Variants in DLG2 observed in about 807,000 individuals in gnomAD.
DLG2 encodes discs large MAGUK scaffold protein 2.
A neutral mutation model predicts 132.5 loss-of-function variants in DLG2; 45 were observed. That is an observed-to-expected ratio of 0.34 (90% confidence interval 0.27 to 0.44). The LOEUF (loss-of-function observed/expected upper bound fraction) is 0.44, where lower values mean the gene tolerates loss of function less well. Ranked by LOEUF, DLG2 falls within the 20% of genes least tolerant of loss-of-function variation. DLG2 has a pLI of 1.00. For missense variants in DLG2, 1,045 were observed against 1,196.9 expected (o/e 0.87, Z 1.87); for synonymous variants, 424 against 419.6 (o/e 1.01, Z -0.13).
intron 21 of DLG2, among the ~76,000 whole-genome samples, chr11:83,511,073 A>AACACACACAC (rs142149345): frequency 5.7e-5 from 5 of 88,410 alleles, no homozygotes; most frequent in African/African-American, 2.0e-4. Context: ...CACTTGCTCA[A>AACACACACAC]ACACACACAC....
rs556199887 is a variant in DLG2, at chr11:85,353,141, G to T, written c.41-67776C>A. ...ACAAGGAACTTAAACAAATTTACAA[G>T]AAAAAAACAAACAACCCCATCAAAA... On this transcript the variant is annotated intron_variant, in intron 3 of 27. Coordinates refer to ENST00000376104, the MANE Select transcript of DLG2 (RefSeq NM_001142699.3). Among the ~76,000 whole-genome samples, 6 of 152,018 alleles carry T rather than the reference G, an allele frequency of 3.9e-5. No homozygotes were observed. The South Asian group carries it at 1.2e-3, about 32-fold the overall frequency.
At chr11:85,415,036 G>A (rs990020962) in intron 3 of DLG2, among the ~76,000 whole-genome samples, 3 of 152,002 alleles carry the variant, frequency 2.0e-5, no homozygotes, top group African/African-American at 7.3e-5. Flanking sequence ...ACAGGCCCCA[G>A]TGTATGATGT....
At chr11:85,210,073 T>C (rs2082160989) in intron 4 of DLG2, among the ~76,000 whole-genome samples, 1 of 152,186 alleles carries the variant, frequency 6.6e-6, no homozygotes. Flanking sequence ...CCATCCCTAC[T>C]TTATTCTGTC....
intron 4 of DLG2, among the ~76,000 whole-genome samples, chr11:85,272,416 T>G (rs984675494): frequency 6.6e-6 from 1 of 152,178 alleles, no homozygotes; most frequent in Non-Finnish European, 1.5e-5. Context: ...GAGACTGATA[T>G]GTCTTAAATC....
intron 7 of DLG2, among the ~76,000 whole-genome samples, chr11:84,375,569 CT>C (rs1567456993): frequency 6.6e-6 from 1 of 151,864 alleles, no homozygotes; most frequent in Non-Finnish European, 1.5e-5. Context: ...GGATATCTAT[CT>C]TTTTGTCTAC....
chr11:84,239,760 T>G (rs2097203114), intron 8 of DLG2, among the ~76,000 whole-genome samples: 1 of 152,226 alleles, frequency 6.6e-6, no homozygotes, highest in Non-Finnish European at 1.5e-5. Context: ...TATAGTATAC[T>G]GATACAATTG....
At chr11:84,745,845 G>T (rs1023386822) in intron 6 of DLG2, among the ~76,000 whole-genome samples, 3 of 152,164 alleles carry the variant, frequency 2.0e-5, no homozygotes, top group Non-Finnish European at 4.4e-5. Context: ...AGAACATGAT[G>T]AACTGCATTT....
At chr11:85,282,156 T>A (rs2078271805) in intron 4 of DLG2, among the ~76,000 whole-genome samples, 1 of 151,362 alleles carries the variant, frequency 6.6e-6, no homozygotes, top group Non-Finnish European at 1.5e-5. Flanking sequence ...CTAAAAAAAA[T>A]AAAATGTACA....
intron 18 of DLG2, among the ~76,000 whole-genome samples, chr11:83,727,448 T>C (rs2090216152): frequency 6.6e-6 from 1 of 152,140 alleles, no homozygotes. Context: ...GAAAACTCAG[T>C]GGATTCAGGT....
chr11:83,694,345 A>T (rs995586661), intron 18 of DLG2, among the ~76,000 whole-genome samples: 3 of 152,216 alleles, frequency 2.0e-5, no homozygotes, highest in African/African-American at 7.2e-5. Flanking sequence ...GCCTAAGAGA[A>T]TAATGAAACA....
At chr11:85,018,543 A>G (rs1196704989) in intron 6 of DLG2, among the ~76,000 whole-genome samples, 1 of 152,182 alleles carries the variant, frequency 6.6e-6, no homozygotes, top group Non-Finnish European at 1.5e-5. Context: ...GTAAAGCAGC[A>G]TAGCAGCCAC....
At chr11:84,950,769 C>G (rs1348779714) in intron 6 of DLG2, among the ~76,000 whole-genome samples, 3 of 151,966 alleles carry the variant, frequency 2.0e-5, no homozygotes, top group African/African-American at 7.2e-5. Context: ...AGCCTACATG[C>G]CTATCTGCGG....
intron 6 of DLG2, among the ~76,000 whole-genome samples, chr11:84,850,137 T>C (rs2082003957): frequency 1.3e-5 from 2 of 152,136 alleles, no homozygotes; most frequent in African/African-American, 2.4e-5. Flanking sequence ...GGTCATTCTA[T>C]CTGCCACACA....
At chr11:84,494,189 A>G (rs938564629) in intron 7 of DLG2, among the ~76,000 whole-genome samples, 9 of 152,120 alleles carry the variant, frequency 5.9e-5, no homozygotes, top group Non-Finnish European at 1.3e-4. Flanking sequence ...AAAGGCAAAC[A>G]TTTCTTGTGT....
At chr11:84,080,867 C>G (rs564446323) in intron 10 of DLG2, among the ~76,000 whole-genome samples, 3 of 152,050 alleles carry the variant, frequency 2.0e-5, no homozygotes, top group South Asian at 2.1e-4. Flanking sequence ...TGGCGGACAC[C>G]TGTAATCCCA....
intron 6 of DLG2, among the ~76,000 whole-genome samples, chr11:84,934,636 A>C (rs898467386): frequency 5.4e-5 from 8 of 149,478 alleles, no homozygotes; most frequent in Admixed American, 2.0e-4. Flanking sequence ...ACCTCTATGC[A>C]CATAAACTAG....
chr11:84,944,123 T>C (rs2049870507), intron 6 of DLG2, among the ~76,000 whole-genome samples: 1 of 152,164 alleles, frequency 6.6e-6, no homozygotes. Flanking sequence ...TTGTATGTTA[T>C]TTGTTTCTTT....
chr11:85,432,295 G>C (rs2091238473), intron 3 of DLG2, among the ~76,000 whole-genome samples: 4 of 152,130 alleles, frequency 2.6e-5, no homozygotes, highest in Admixed American at 2.6e-4. Context: ...CACCTCTCCA[G>C]CAAGGGTGCA....
intron 7 of DLG2, among the ~76,000 whole-genome samples, chr11:84,404,361 C>G: frequency 6.6e-6 from 1 of 152,146 alleles, no homozygotes; most frequent in Non-Finnish European, 1.5e-5. Context: ...CTTCAAAACT[C>G]GACTCAAATA....
Sources: allele counts gnomAD v4.1 joint callset (sites outside exome capture counted in the v4.1 genomes callset), GRCh38; gene constraint gnomAD v4.1.1; transcripts MANE v1.5; gene names NCBI Gene and HGNC (gene_info 2026-07-23, HGNC 2026-07-21).